Variants in GRIK4 observed in about 807,000 individuals in gnomAD.
GRIK4 encodes glutamate receptor ionotropic, kainate 4.
Under a neutral mutation model 104.9 loss-of-function variants are expected in GRIK4, and 40 were observed. The observed-to-expected ratio is 0.38, with a 90% confidence interval of 0.30 to 0.50. The LOEUF is 0.50. GRIK4 is among the 20% of genes least tolerant of loss of function. The pLI is 0.93. For synonymous variants in GRIK4, 485 were observed against 524.9 expected (o/e 0.92, Z 1.04); for missense variants, 1,047 against 1,308.1 (o/e 0.80, Z 3.08).
chr11:120,605,907 G>A (rs918625272), intron 1 of GRIK4, among the ~76,000 whole-genome samples: 2 of 152,320 alleles, frequency 1.3e-5, no homozygotes, highest in South Asian at 4.1e-4. Context: ...TGGGCAGCAG[G>A]GAAAGACCGC....
At chr11:120,626,185 C>T (rs1401583955) in intron 1 of GRIK4, among the ~76,000 whole-genome samples, 1 of 152,124 alleles carries the variant, frequency 6.6e-6, no homozygotes, top group East Asian at 1.9e-4. Context: ...TCTTTGAGTC[C>T]TTAGAGCTGC....
chr11:120,930,165 CTTCATGT>C (rs1413154826), intron 13 of GRIK4, among the ~76,000 whole-genome samples: 3 of 152,198 alleles, frequency 2.0e-5, no homozygotes, highest in African/African-American at 7.2e-5. Context: ...AGCTAGCTTT[CTTCATGT>C]CCTAGCTGCG....
intron 3 of GRIK4, among the ~76,000 whole-genome samples, chr11:120,668,212 CAGAGAA>C (rs1325515520): frequency 6.8e-6 from 1 of 146,838 alleles, no homozygotes; most frequent in Non-Finnish European, 1.5e-5. Context: ...AGCAGACAGA[CAGAGAA>C]AGAGGTAGGC....
rs141417190 is a variant in GRIK4 at position 120,708,186 on chromosome 11, C to A, written c.82+47786C>A. ...TTGACATTACCACATACTTAGAACC[C>A]TGAGGGACTTGTAGAATGGCAATGG... On this transcript the variant is annotated intron_variant, in intron 3 of 20. Coordinates refer to ENST00000527524, the MANE Select transcript of GRIK4 (RefSeq NM_014619.5). Among the ~76,000 whole-genome samples the A allele has an allele frequency of 6.5e-4, 99 of 152,214 alleles. 1 individual carries two copies. The Middle Eastern group carries it at 0.017, about 26-fold the overall frequency.
At chr11:120,604,283 G>C (rs1316775854) in intron 1 of GRIK4, among the ~76,000 whole-genome samples, 1 of 151,740 alleles carries the variant, frequency 6.6e-6, no homozygotes, top group Non-Finnish European at 1.5e-5. Context: ...TCTGGCCCCA[G>C]ATGCCAGAGG....
At chr11:120,662,753 C>A (rs774907244) in intron 3 of GRIK4, among the ~76,000 whole-genome samples, 54 of 152,252 alleles carry the variant, frequency 3.5e-4, no homozygotes, top group Non-Finnish European at 6.3e-4. Flanking sequence ...TTTTCCCCAA[C>A]CCCAGCCTCA....
In GRIK4 at chr11:120,986,433, G is replaced by T. The variant is rs145034678; in HGVS notation, c.*173G>T. ...GCCTGACGCCCCAGCCAGAGACCGCGCCCGGTCAGGGAGCAGGGTCCACCC... is the reference window on the plus strand; with the variant it reads ...GCCTGACGCCCCAGCCAGAGACCGCTCCCGGTCAGGGAGCAGGGTCCACCC... On this transcript the variant is annotated 3_prime_UTR_variant, in exon 21 of 21. Coordinates refer to ENST00000527524, the MANE Select transcript of GRIK4 (RefSeq NM_014619.5). The T allele has an allele frequency of 3.3e-6, 3 of 909,202 alleles. No homozygotes were observed. Among genetic ancestry groups the T allele is most frequent in the African/African-American group, 3.5e-5 (2 of 56,600 alleles). 56.3% of individuals were successfully genotyped at this position (909,202 alleles called of 1,614,324 possible). A position where few individuals can be genotyped will look rare whatever the true frequency, so the allele number is the denominator to read the frequency against.
intron 1 of GRIK4, among the ~76,000 whole-genome samples, chr11:120,614,142 GC>G (rs770337890): frequency 6.6e-6 from 1 of 152,180 alleles, no homozygotes; most frequent in African/African-American, 2.4e-5. Context: ...TGCCTGGCCT[GC>G]CCCCCATGTA....
At chr11:120,649,398 G>C (rs1225785880) in intron 1 of GRIK4, among the ~76,000 whole-genome samples, 3 of 152,242 alleles carry the variant, frequency 2.0e-5, no homozygotes, top group African/African-American at 7.2e-5. Flanking sequence ...GGACAGGACA[G>C]ATGTAGTGGG....
chr11:120,833,119 T>A (rs1953476578), intron 7 of GRIK4, among the ~76,000 whole-genome samples: 1 of 151,830 alleles, frequency 6.6e-6, no homozygotes, highest in South Asian at 2.1e-4. Flanking sequence ...CTCAGCTCGT[T>A]TTTGACTCAG....
At chr11:120,844,083 A>G (rs1316563015) in intron 8 of GRIK4, among the ~76,000 whole-genome samples, 1 of 152,176 alleles carries the variant, frequency 6.6e-6, no homozygotes, top group Non-Finnish European at 1.5e-5. Flanking sequence ...CCAAAGGTTT[A>G]TCAGAGAGAT....
chr11:120,984,817 A>G (rs910739930), intron 20 of GRIK4, among the ~76,000 whole-genome samples: 6 of 132,584 alleles, frequency 4.5e-5, no homozygotes, highest in African/African-American at 1.7e-4. Flanking sequence ...GCCCATCTAT[A>G]TTCTTTTTTT....
Position 120,986,244 on chromosome 11 carries a change from G to T in GRIK4, c.2855G>T (p.Ser952Ile). ...CTGGAGTGGGAGAAAACCACCAACA[G>T]CAGCGAGCCCGAGTAGTCCCGGAGG... ...ESLEWEKTTN[S>I]SEPE The change falls in exon 21 of 21, where the codon AGC (serine) becomes ATC (isoleucine). Residue 952 changes from serine (S) to isoleucine (I), a missense_variant. Coordinates refer to ENST00000527524, the MANE Select transcript of GRIK4 (RefSeq NM_014619.5). 1 of 1,543,350 alleles carries T rather than the reference G, an allele frequency of 6.5e-7. No homozygotes were observed. The highest frequency in any genetic ancestry group is 8.7e-7 in the Non-Finnish European group (1 of 1,153,908).
At chr11:120,748,424 G>A (rs1189554424) in intron 3 of GRIK4, among the ~76,000 whole-genome samples, 1 of 152,092 alleles carries the variant, frequency 6.6e-6, no homozygotes, top group East Asian at 1.9e-4. Flanking sequence ...GGAGATGAGA[G>A]TAGGGTGCTG....
At chr11:120,913,984 A>G (rs572473235) in intron 13 of GRIK4, among the ~76,000 whole-genome samples, 1 of 152,240 alleles carries the variant, frequency 6.6e-6, no homozygotes, top group Non-Finnish European at 1.5e-5. Context: ...ATACTGATCC[A>G]GGGGCCAAAG....
intron 1 of GRIK4, among the ~76,000 whole-genome samples, chr11:120,602,965 A>G (rs947595072): frequency 2.0e-5 from 3 of 152,164 alleles, no homozygotes; most frequent in Non-Finnish European, 2.9e-5. Context: ...AGCCTCCCAA[A>G]GTGTTGGGAT....
chr11:120,975,785 G>T (rs1453572460), intron 19 of GRIK4, among the ~76,000 whole-genome samples: 6 of 152,102 alleles, frequency 3.9e-5, no homozygotes, highest in African/African-American at 1.2e-4. Context: ...CGAGTGACTG[G>T]GAGAGATGGT....
chr11:120,684,855 G>C (rs560728034), intron 3 of GRIK4, among the ~76,000 whole-genome samples: 20 of 152,230 alleles, frequency 1.3e-4, no homozygotes, highest in Admixed American at 2.6e-4. Flanking sequence ...GACTACAGGC[G>C]CCCGCCACCG....
chr11:120,880,362 G>A (rs907812006), intron 11 of GRIK4, among the ~76,000 whole-genome samples: 3 of 152,124 alleles, frequency 2.0e-5, no homozygotes, highest in Non-Finnish European at 4.4e-5. Context: ...TCATCATTTC[G>A]TCAACCCTGC....
Sources: allele counts gnomAD v4.1 joint callset (sites outside exome capture counted in the v4.1 genomes callset), GRCh38; gene constraint gnomAD v4.1.1; transcripts MANE v1.5; gene names NCBI Gene and HGNC (gene_info 2026-07-23, HGNC 2026-07-21).